OXR1: variants seen among roughly 807,000 people sequenced by gnomAD.
OXR1 encodes oxidation resistance protein 1.
A neutral mutation model predicts 104.6 loss-of-function variants in OXR1; 41 were observed. The ratio of observed to expected loss-of-function variants is 0.39; its 90% confidence interval spans 0.31 to 0.51. The LOEUF is 0.51. Among genes scored for constraint, OXR1 ranks in the 20% least tolerant of loss-of-function variants. The pLI is 0.77. For synonymous variants in OXR1, 348 were observed against 348.4 expected (o/e 1.00, Z 0.01); for missense variants, 955 against 1,031.9 (o/e 0.93, Z 1.02).
intron 11 of OXR1, among the ~76,000 whole-genome samples, chr8:106,737,101 A>G (rs1474531870): frequency 6.6e-6 from 1 of 152,104 alleles, no homozygotes; most frequent in Non-Finnish European, 1.5e-5. Flanking sequence ...GGCCATTAGG[A>G]TATAATGTTT....
chr8:106,715,224 T>A (rs1386647818), intron 11 of OXR1, among the ~76,000 whole-genome samples: 1 of 151,860 alleles, frequency 6.6e-6, no homozygotes, highest in Non-Finnish European at 1.5e-5. Flanking sequence ...ATATACTATG[T>A]AATTTCATTT....
chr8:106,331,489 T>A (rs2130226991), intron 1 of OXR1, among the ~76,000 whole-genome samples: 1 of 152,242 alleles, frequency 6.6e-6, no homozygotes, highest in Non-Finnish European at 1.5e-5. Flanking sequence ...AAAATATTTT[T>A]TAAAGATTTA....
chr8:106,419,676 A>G (rs76926586), intron 2 of OXR1, among the ~76,000 whole-genome samples: 417 of 152,254 alleles, frequency 2.7e-3, no homozygotes, highest in African/African-American at 9.5e-3. Context: ...ACAGGCTTTT[A>G]GTTTCTCCCT....
intron 3 of OXR1, among the ~76,000 whole-genome samples, chr8:106,573,924 A>T (rs980027060): frequency 3.9e-5 from 6 of 152,214 alleles, no homozygotes; most frequent in Non-Finnish European, 7.3e-5. Flanking sequence ...TCAAAAAAAA[A>T]AAGAAAGCAT....
chr8:106,751,248 A>T lies in OXR1; in HGVS notation c.*307A>T. ...TTCACATGTTACTCAGTTCCCTAATAGGATGGTGCTCTTTTGTTGAACCTG... is the reference window on the plus strand; with the variant it reads ...TTCACATGTTACTCAGTTCCCTAATTGGATGGTGCTCTTTTGTTGAACCTG... On this transcript the variant is annotated 3_prime_UTR_variant, in exon 17 of 17. Coordinates refer to ENST00000517566, the MANE Select transcript of OXR1 (RefSeq NM_001198533.2). 5.0e-6 allele frequency: 1 copy of T among 200,150 alleles called. No individual in the cohort carries two copies. The highest frequency in any genetic ancestry group is 1.0e-5 in the Non-Finnish European group (1 of 100,044). 12.4% of individuals were successfully genotyped at this position (200,150 alleles called of 1,614,324 possible). A position where few individuals can be genotyped will look rare whatever the true frequency, so the allele number is the denominator to read the frequency against.
chr8:106,585,068 A>G (rs960457041), intron 3 of OXR1, among the ~76,000 whole-genome samples: 5 of 152,176 alleles, frequency 3.3e-5, no homozygotes, highest in African/African-American at 1.2e-4. Context: ...CTGTTCCTCT[A>G]TAAACTCAAC....
chr8:106,462,665 T>C (rs556965537), intron 2 of OXR1, among the ~76,000 whole-genome samples: 3 of 152,276 alleles, frequency 2.0e-5, no homozygotes, highest in African/African-American at 7.2e-5. Flanking sequence ...TTTTACTTAT[T>C]AATAATGTGC....
intron 2 of OXR1, among the ~76,000 whole-genome samples, chr8:106,480,785 A>T (rs1392795607): frequency 6.6e-6 from 1 of 152,020 alleles, no homozygotes; most frequent in Admixed American, 6.6e-5. Context: ...GAAATAAAAA[A>T]TACCTGCCTT....
intron 2 of OXR1, among the ~76,000 whole-genome samples, chr8:106,402,504 G>T (rs891193896): frequency 6.6e-5 from 10 of 152,280 alleles, no homozygotes; most frequent in Admixed American, 5.9e-4. Flanking sequence ...GGACTTACTG[G>T]ACCCACTGTG....
chr8:106,361,420 T>A (rs1400455383), intron 2 of OXR1, among the ~76,000 whole-genome samples: 2 of 152,164 alleles, frequency 1.3e-5, no homozygotes, highest in Non-Finnish European at 2.9e-5. Context: ...AGGGAGCTAT[T>A]AATTTGTTTT....
chr8:106,390,854 G>A (rs891392295), intron 2 of OXR1, among the ~76,000 whole-genome samples: 1 of 152,018 alleles, frequency 6.6e-6, no homozygotes, highest in African/African-American at 2.4e-5. Flanking sequence ...ATATAGTTTG[G>A]TCTTAAGTGA....
At chr8:106,698,361 G>T (rs1042099949) in intron 7 of OXR1, among the ~76,000 whole-genome samples, 6 of 152,166 alleles carry the variant, frequency 3.9e-5, no homozygotes, top group Admixed American at 3.9e-4. Flanking sequence ...TTATTAGGAT[G>T]TGCCCTGGTA....
In OXR1 at chr8:106,622,241, C is replaced by T. The variant is rs1316242559; in HGVS notation, c.221-56969C>T. Among the ~76,000 whole-genome samples the T allele has an allele frequency of 4.6e-5, 7 of 152,196 alleles. No homozygotes were observed. The East Asian group carries it at 1.4e-3, about 29-fold the overall frequency. ...CTTACCACTTGCACTGCTTCCTCCT[C>T]GGTCCAAACACCATCATCTTTTGAC... is the stretch of plus-strand genomic sequence containing the variant. On this transcript the variant is annotated intron_variant, in intron 3 of 16. Coordinates refer to ENST00000517566, the MANE Select transcript of OXR1 (RefSeq NM_001198533.2).
At chr8:106,368,848 G>A (rs1816594362) in intron 2 of OXR1, among the ~76,000 whole-genome samples, 1 of 152,188 alleles carries the variant, frequency 6.6e-6, no homozygotes, top group African/African-American at 2.4e-5. Context: ...GGTAAATAGT[G>A]CTGCAATAAA....
At chr8:106,426,221 C>T (rs192425100) in intron 2 of OXR1, among the ~76,000 whole-genome samples, 3 of 152,184 alleles carry the variant, frequency 2.0e-5, no homozygotes, top group Non-Finnish European at 2.9e-5. Context: ...GTACTTAGAA[C>T]AGGACCTGGC....
intron 2 of OXR1, among the ~76,000 whole-genome samples, chr8:106,363,472 C>T (rs1399826170): frequency 6.6e-6 from 1 of 151,312 alleles, no homozygotes; most frequent in Non-Finnish European, 1.5e-5. Context: ...AATTATATAG[C>T]AGAAACTAAA....
At chr8:106,624,319 T>C (rs1821969733) in intron 3 of OXR1, among the ~76,000 whole-genome samples, 1 of 152,054 alleles carries the variant, frequency 6.6e-6, no homozygotes, top group African/African-American at 2.4e-5. Context: ...AAGAAAATAA[T>C]AGAGTAATGA....
At chr8:106,698,378 T>C (rs1242430441) in intron 7 of OXR1, among the ~76,000 whole-genome samples, 2 of 152,210 alleles carry the variant, frequency 1.3e-5, no homozygotes, top group African/African-American at 4.8e-5. Flanking sequence ...GGTATATTTT[T>C]TTCTATTTGT....
intron 3 of OXR1, among the ~76,000 whole-genome samples, chr8:106,592,778 G>A (rs1260915021): frequency 1.3e-5 from 2 of 152,200 alleles, no homozygotes; most frequent in Non-Finnish European, 2.9e-5. Context: ...TAAATTGCAA[G>A]AGGAAGCCAT....
Sources: allele counts gnomAD v4.1 joint callset (sites outside exome capture counted in the v4.1 genomes callset), GRCh38; gene constraint gnomAD v4.1.1; transcripts MANE v1.5; gene names NCBI Gene and HGNC (gene_info 2026-07-23, HGNC 2026-07-21).